CASR: variants seen among roughly 807,000 people sequenced by gnomAD.
CASR encodes extracellular calcium-sensing receptor.
Under a neutral mutation model 69.1 loss-of-function variants are expected in CASR, and 23 were observed. The ratio of observed to expected loss-of-function variants is 0.33; its 90% CI spans 0.24 to 0.47. The LOEUF is 0.47. Among genes scored for constraint, CASR ranks in the 20% least tolerant of loss-of-function variants. The pLI, the probability that CASR is intolerant of heterozygous loss-of-function variation, is 1.00. For missense variants in CASR, 924 were observed against 1,356.1 expected, an observed-to-expected ratio of 0.68 and a Z score of 5.00; for synonymous variants, 541 against 544.7, an observed-to-expected ratio of 0.99 and a Z score of 0.10.
chr3:122,280,041 C>T (rs113776320), intron 5 of CASR, among the ~76,000 whole-genome samples: 1 of 152,128 alleles, frequency 6.6e-6, no homozygotes, highest in East Asian at 1.9e-4. Context: ...TAAGTGGGAA[C>T]ATGGGGTGTT....
chr3:122,250,205 G>C (rs2074469521), intron 1 of CASR, among the ~76,000 whole-genome samples: 1 of 152,124 alleles, frequency 6.6e-6, no homozygotes, highest in African/African-American at 2.4e-5. Context: ...CTGGATGTTG[G>C]AGGACAGGGA....
At chr3:122,266,094 A>G (rs985755083) in intron 4 of CASR, among the ~76,000 whole-genome samples, 1 of 152,044 alleles carries the variant, frequency 6.6e-6, no homozygotes, top group Non-Finnish European at 1.5e-5. Context: ...TCTGTATAAG[A>G]GCTGGAAGTC....
chr3:122,230,015 C>G (rs1341720631), intron 1 of CASR, among the ~76,000 whole-genome samples: 3 of 152,198 alleles, frequency 2.0e-5, no homozygotes, highest in Non-Finnish European at 4.4e-5. Flanking sequence ...CCACAGTTTA[C>G]CTATTTGTAA....
At chr3:122,252,424 A>G (rs1246024129) in intron 1 of CASR, among the ~76,000 whole-genome samples, 2 of 93,752 alleles carry the variant, frequency 2.1e-5, no homozygotes, top group Non-Finnish European at 4.5e-5. Context: ...AAAGAAAGAA[A>G]GAAAGAAAGA....
intron 1 of CASR, among the ~76,000 whole-genome samples, chr3:122,218,934 A>T (rs150664450): frequency 7.9e-5 from 12 of 152,338 alleles, no homozygotes; most frequent in Admixed American, 2.6e-4. Flanking sequence ...GACCTAAAGG[A>T]TGAGAAAGAC....
chr3:122,185,966 A>G (rs1453208213), intron 1 of CASR, among the ~76,000 whole-genome samples: 10 of 126,482 alleles, frequency 7.9e-5, no homozygotes, highest in Non-Finnish European at 3.4e-5. Context: ...AAGAGACCAC[A>G]CATGCGAGTT....
rs2074529480 is a variant in CASR at position 122,254,277 on chromosome 3, G to A, written c.88G>A (p.Gly30Arg). The A allele has an allele frequency of 1.9e-6, 3 of 1,613,980 alleles. No homozygotes were observed. The highest frequency in any genetic ancestry group is 2.5e-6 in the Non-Finnish European group (3 of 1,180,028). Residue 30 changes from glycine (G) to arginine (R), a missense_variant, in exon 2 of 7, where the codon GGG becomes AGG. By Grantham distance (125) the Gly-to-Arg change is moderately radical (BLOSUM62 -2). Transcript: ENST00000639785. ...YGPDQRAQKK[G>R]DIILGGLFPI... is the part of the protein sequence containing the mutation. ...GCCAGACCAGCGAGCCCAAAAGAAGGGGGACATTATCCTTGGGGGGCTCTT... is the reference window on the plus strand; with the variant it reads ...GCCAGACCAGCGAGCCCAAAAGAAGAGGGACATTATCCTTGGGGGGCTCTT...
chr3:122,206,957 CT>C (rs1053962528), intron 1 of CASR, among the ~76,000 whole-genome samples: 6 of 151,732 alleles, frequency 4.0e-5, no homozygotes, highest in African/African-American at 1.5e-4. Context: ...TGGGGCTTCT[CT>C]TTTTTTCTTA....
At chr3:122,226,463 A>G (rs6778462) in intron 1 of CASR, among the ~76,000 whole-genome samples, 137,429 of 152,120 alleles carry the variant, frequency 0.9, 62,523 homozygotes, top group Admixed American at 0.93. Context: ...TGCAAAGAGC[A>G]AAAGAACAAA....
intron 1 of CASR, among the ~76,000 whole-genome samples, chr3:122,242,290 T>G (rs1910050): frequency 0.16 from 24,749 of 151,952 alleles, 2,096 homozygotes; most frequent in Non-Finnish European, 0.18. Context: ...ACCTATAGAC[T>G]CCACCAAAAA....
Position 122,283,933 on chromosome 3 carries a change from G to A in CASR, c.1979G>A (p.Cys660Tyr). 6.2e-7 allele frequency: 1 copy of A among 1,613,534 alleles called. No individual in the cohort carries two copies. Among genetic ancestry groups the A allele is most frequent in the Non-Finnish European group, 8.5e-7 (1 of 1,179,944 alleles). The change falls in exon 7 of 7, where the codon TGC (cysteine) becomes TAC (tyrosine). Residue 660 changes from cysteine (C) to tyrosine (Y), a missense_variant. This residue lies in a region of CASR where 184 missense variants were observed against 278.8 expected (regional missense o/e 0.66). Coordinates refer to ENST00000639785, the MANE Select transcript of CASR (RefSeq NM_000388.4). ...LSYLLLFSLLCCFSSSLFFIG... is the reference protein window; with the variant it reads ...LSYLLLFSLLYCFSSSLFFIG... Reference sequence around the variant, plus strand: ...TACCTCCTCCTCTTCTCCCTGCTCTGCTGCTTCTCCAGCTCCCTGTTCTTC... The same window carrying A: ...TACCTCCTCCTCTTCTCCCTGCTCTACTGCTTCTCCAGCTCCCTGTTCTTC...
chr3:122,256,474 TTTATTC>T (rs1406521069), intron 2 of CASR, among the ~76,000 whole-genome samples: 1 of 135,292 alleles, frequency 7.4e-6, no homozygotes, highest in Non-Finnish European at 1.7e-5. Flanking sequence ...ATAGCAATCT[TTTATTC>T]TTCTTTTTAT....
Position 122,212,643 on chromosome 3 carries a change from A to AT in CASR, c.-243+28846dup, listed in dbSNP as rs35139115. 9.1e-3 allele frequency among the ~76,000 whole-genome samples: 1,317 copies of AT among 144,932 alleles called. 13 individuals carry two copies. The highest frequency in any genetic ancestry group is 0.028 in the African/African-American group (1,107 of 39,394). On this transcript the variant is annotated intron_variant, in intron 1 of 6. Transcript: ENST00000639785. ...GAGTTTTGATTCCAGATTTTCTACA[A>AT]TTTTTTTTTTTTTTTGAGACAGAGT...
intron 1 of CASR, among the ~76,000 whole-genome samples, chr3:122,187,654 G>A (rs7635606): frequency 0.17 from 26,122 of 152,152 alleles, 2,324 homozygotes; most frequent in African/African-American, 0.2. Context: ...AGGAGGTAAC[G>A]CTTGAGTTGA....
intron 1 of CASR, among the ~76,000 whole-genome samples, chr3:122,239,960 T>C (rs933407876): frequency 6.6e-6 from 1 of 151,986 alleles, no homozygotes; most frequent in Non-Finnish European, 1.5e-5. Context: ...TAGATAGGGG[T>C]AGAAAGTTTA....
chr3:122,206,026 T>A (rs551655986), intron 1 of CASR, among the ~76,000 whole-genome samples: 4 of 152,184 alleles, frequency 2.6e-5, no homozygotes, highest in African/African-American at 9.6e-5. Flanking sequence ...TAAGGCTAAT[T>A]TGACTTCTTC....
Position 122,285,038 on chromosome 3 carries a change from G to A in CASR, c.3084G>A (p.Gln1028=). The A allele has an allele frequency of 6.2e-7, 1 of 1,614,238 alleles. No homozygotes were observed. The highest frequency in any genetic ancestry group is 8.5e-7 in the Non-Finnish European group (1 of 1,180,038). The change falls in exon 7 of 7, where the codon CAG becomes CAA. Residue 1028 remains glutamine (Q), a synonymous_variant. Coordinates refer to ENST00000639785, the MANE Select transcript of CASR (RefSeq NM_000388.4). ...CGETDLDLTV[Q]ETGLQGPVGG... is the part of the protein sequence containing the mutation. Reference sequence around the variant, plus strand: ...AAACGGACTTAGATCTGACCGTCCAGGAAACAGGTCTGCAAGGACCTGTGG... The same window carrying A: ...AAACGGACTTAGATCTGACCGTCCAAGAAACAGGTCTGCAAGGACCTGTGG...
chr3:122,254,987 G>A (rs2074540081), intron 2 of CASR, among the ~76,000 whole-genome samples: 1 of 139,636 alleles, frequency 7.2e-6, no homozygotes, highest in African/African-American at 2.7e-5. Context: ...TGCCAAGAAT[G>A]CATCTCACTC....
intron 1 of CASR, among the ~76,000 whole-genome samples, chr3:122,184,064 G>A (rs1405361895): frequency 6.6e-6 from 1 of 152,120 alleles, no homozygotes; most frequent in African/African-American, 2.4e-5. Context: ...GCCGTCTGCT[G>A]GGGACCCGAG....
Sources: allele counts gnomAD v4.1 joint callset (sites outside exome capture counted in the v4.1 genomes callset), GRCh38; gene constraint gnomAD v4.1.1; regional missense constraint gnomAD v4.1.1; transcripts MANE v1.5; gene names NCBI Gene and HGNC (gene_info 2026-07-23, HGNC 2026-07-21).